The following SLC10A7 variants were observed in gnomAD, a reference collection of about 807,000 sequenced individuals.
The protein encoded by SLC10A7 is sodium/bile acid cotransporter 7.
Under a neutral mutation model 43.2 loss-of-function variants are expected in SLC10A7, and 29 were observed. The ratio of observed to expected loss-of-function variants is 0.67; its 90% CI spans 0.50 to 0.92. The LOEUF (loss-of-function observed/expected upper bound fraction) is 0.92, where lower values mean the gene tolerates loss of function less well. SLC10A7 is among the 40% of genes least tolerant of loss of function. The probability of loss-of-function intolerance (pLI) is 0.00; values close to 1 mark genes in which losing one functional copy is unlikely to be tolerated. For missense variants in SLC10A7, 295 were observed against 403.2 expected, an observed-to-expected ratio of 0.73 and a Z score of 2.30; for synonymous variants, 152 against 144.8, an observed-to-expected ratio of 1.05 and a Z score of -0.35.
At chr4:146,474,721 T>C (rs547773423) in intron 4 of SLC10A7, among the ~76,000 whole-genome samples, 112 of 152,200 alleles carry the variant, frequency 7.4e-4, no homozygotes, top group African/African-American at 2.6e-3. Flanking sequence ...ATAAAACTTA[T>C]AAAATTTACA....
chr4:146,426,124 T>C (rs193037508), intron 5 of SLC10A7, among the ~76,000 whole-genome samples: 31 of 152,350 alleles, frequency 2.0e-4, no homozygotes, highest in Non-Finnish European at 2.9e-4. Flanking sequence ...CAAAATTAGT[T>C]TCTAAACAGA....
intron 5 of SLC10A7, among the ~76,000 whole-genome samples, chr4:146,438,436 T>C (rs1730359654): frequency 6.6e-6 from 1 of 152,058 alleles, no homozygotes; most frequent in African/African-American, 2.4e-5. Flanking sequence ...AGACTAGATG[T>C]TTTGAATTTA....
intron 5 of SLC10A7, among the ~76,000 whole-genome samples, chr4:146,356,053 T>A (rs1487913207): frequency 0.012 from 1,245 of 100,962 alleles, 11 homozygotes; most frequent in African/African-American, 0.036. Context: ...AAAAAAAAAA[T>A]ATATATATAT....
At chr4:146,446,932 C>CT (rs748472919) in intron 4 of SLC10A7, among the ~76,000 whole-genome samples, 84 of 152,200 alleles carry the variant, frequency 5.5e-4, no homozygotes, top group Non-Finnish European at 1.0e-3. Flanking sequence ...TGTCCAAAGT[C>CT]TTCATCTCCT....
intron 5 of SLC10A7, among the ~76,000 whole-genome samples, chr4:146,376,367 CA>C (rs369370862): frequency 9.2e-5 from 14 of 152,256 alleles, no homozygotes; most frequent in African/African-American, 2.6e-4. Context: ...CTGGAAACTG[CA>C]ACCCTAAATG....
At position 146,521,599 on chromosome 4, in the gene SLC10A7, GC is replaced by G. The variant is rs760582507; in HGVS notation, c.100+18del. On this transcript the variant is annotated intron_variant, in intron 1 of 11. Transcript: ENST00000335472. ...TGAAGTGGGAGCCGCGGTGGAGCCGGCAGAGGTGCAGCACTTACCCCCATTC... is the reference window on the plus strand; with the variant it reads ...TGAAGTGGGAGCCGCGGTGGAGCCGGAGAGGTGCAGCACTTACCCCCATTC... The G allele has an allele frequency of 5.0e-6, 8 of 1,597,652 alleles. No individual in the cohort carries two copies. Among genetic ancestry groups the G allele is most frequent in the Non-Finnish European group, 6.9e-6 (8 of 1,166,612 alleles).
At chr4:146,380,377 A>G (rs1372466090) in intron 5 of SLC10A7, among the ~76,000 whole-genome samples, 1 of 152,178 alleles carries the variant, frequency 6.6e-6, no homozygotes, top group Non-Finnish European at 1.5e-5. Flanking sequence ...CTTGCAAAAC[A>G]TGGTTATGCA....
At chr4:146,300,255 G>C (rs1436489296) in intron 7 of SLC10A7, among the ~76,000 whole-genome samples, 3 of 152,172 alleles carry the variant, frequency 2.0e-5, no homozygotes, top group African/African-American at 7.2e-5. Flanking sequence ...TGGGCTGCCT[G>C]AGATTGATCA....
Position 146,472,860 on chromosome 4 carries a change from CT to C in SLC10A7, c.397-30040del, listed in dbSNP as rs1448183177. 3.3e-5 allele frequency among the ~76,000 whole-genome samples: 5 copies of C among 152,122 alleles called. No individual in the cohort carries two copies. In the East Asian group the frequency reaches 9.6e-4, roughly 29 times the overall value. ...CGTTTCCAGAGGATTGACTTATTGCCTTTTAACTTTTTAAAGTCTAGTTGTC... is the reference window on the plus strand; with the variant it reads ...CGTTTCCAGAGGATTGACTTATTGCCTTTAACTTTTTAAAGTCTAGTTGTC... On this transcript the variant is annotated intron_variant, in intron 4 of 11. Coordinates refer to ENST00000335472, the MANE Select transcript of SLC10A7 (RefSeq NM_001029998.6).
Position 146,256,459 on chromosome 4 carries a change from T to A in SLC10A7, c.*32A>T, listed in dbSNP as rs750767276. 2 of 1,610,480 alleles carry A rather than the reference T, an allele frequency of 1.2e-6. No homozygotes were observed. Among genetic ancestry groups the A allele is most frequent in the South Asian group, 1.1e-5 (1 of 91,028 alleles). On this transcript the variant is annotated 3_prime_UTR_variant, in exon 12 of 12. Transcript: ENST00000335472. ...GCTAGTATGTACAATCCTGTACATA[T>A]ATACATTGCTACAGAAAGTCCACCT...
chr4:146,412,736 G>A (rs1228463333), intron 5 of SLC10A7, among the ~76,000 whole-genome samples: 1 of 152,064 alleles, frequency 6.6e-6, no homozygotes, highest in Non-Finnish European at 1.5e-5. Context: ...AATTATCTTA[G>A]AACAGGAGGA....
At chr4:146,295,773 A>G (rs1408956650) in intron 7 of SLC10A7, among the ~76,000 whole-genome samples, 1 of 152,178 alleles carries the variant, frequency 6.6e-6, no homozygotes, top group Non-Finnish European at 1.5e-5. Context: ...CAACTCCTTT[A>G]GGAAATAAAA....
At chr4:146,290,433 G>A (rs1236090962) in intron 9 of SLC10A7, among the ~76,000 whole-genome samples, 4 of 151,596 alleles carry the variant, frequency 2.6e-5, no homozygotes, top group South Asian at 2.1e-4. Flanking sequence ...AGACAAATTC[G>A]AAGTAAATCA....
At chr4:146,429,496 T>C (rs780945339) in intron 5 of SLC10A7, among the ~76,000 whole-genome samples, 1 of 152,168 alleles carries the variant, frequency 6.6e-6, no homozygotes, top group Non-Finnish European at 1.5e-5. Flanking sequence ...CCTGCCTTCA[T>C]GGAGCTTTCA....
chr4:146,514,378 G>A (rs750224418), intron 2 of SLC10A7: 1 of 152,020 alleles, frequency 6.6e-6, no homozygotes, highest in Admixed American at 6.6e-5. Context: ...TGCCACAGTC[G>A]GCTAAGTGAC....
chr4:146,400,953 A>G (rs925954318), intron 5 of SLC10A7, among the ~76,000 whole-genome samples: 1 of 152,242 alleles, frequency 6.6e-6, no homozygotes, highest in East Asian at 1.9e-4. Flanking sequence ...ACTTACATAT[A>G]AAAGTGTAAA....
chr4:146,503,883 G>A lies in SLC10A7; in HGVS notation c.362C>T (p.Ala121Val). The change falls in exon 4 of 12, where the codon GCA becomes GTA. Residue 121 changes from alanine (A) to valine (V), a missense_variant. Physicochemically the swap from Ala to Val is moderately conservative, Grantham distance 64. Around this residue, in one of 2 missense-constraint regions of SLC10A7, gnomAD observed 242 missense variants for 362.5 expected, o/e 0.67. Coordinates refer to ENST00000335472, the MANE Select transcript of SLC10A7 (RefSeq NM_001029998.6). ...VGCMPPPVSS[A>V]VILTKAVGGN... ...ACCAACTGCCTTGGTTAAAATCACTGCAGAAGACACAGGCGGAGGCATGCA... is the reference window on the plus strand; with the variant it reads ...ACCAACTGCCTTGGTTAAAATCACTACAGAAGACACAGGCGGAGGCATGCA... 1 of 1,614,130 alleles carries A rather than the reference G, an allele frequency of 6.2e-7. No homozygotes were observed. Among genetic ancestry groups the A allele is most frequent in the Non-Finnish European group, 8.5e-7 (1 of 1,180,016 alleles).
At chr4:146,368,796 A>G (rs765215865) in intron 5 of SLC10A7, among the ~76,000 whole-genome samples, 1 of 152,212 alleles carries the variant, frequency 6.6e-6, no homozygotes, top group Non-Finnish European at 1.5e-5. Flanking sequence ...GAAAAAAATG[A>G]TAATTCGTAA....
At chr4:146,261,809 T>C (rs990727725) in intron 10 of SLC10A7, among the ~76,000 whole-genome samples, 2 of 152,162 alleles carry the variant, frequency 1.3e-5, no homozygotes, top group Non-Finnish European at 2.9e-5. Flanking sequence ...CTCCCAGAGG[T>C]CATGGTCCAA....
Sources: allele counts gnomAD v4.1 joint callset (sites outside exome capture counted in the v4.1 genomes callset), GRCh38; gene constraint gnomAD v4.1.1; regional missense constraint gnomAD v4.1.1; transcripts MANE v1.5; gene names NCBI Gene and HGNC (gene_info 2026-07-23, HGNC 2026-07-21).